The following NCOA1 variants were observed in gnomAD, a reference collection of about 807,000 sequenced individuals.
NCOA1 encodes the protein Hin-2 protein.
NCOA1 carries 35 observed loss-of-function variants against 150.9 expected under a neutral mutation model. The observed-to-expected ratio is 0.23, with a 90% CI of 0.18 to 0.31. The LOEUF is 0.31. NCOA1 is among the 10% of genes least tolerant of loss of function. The pLI is 1.00. For missense variants in NCOA1, 1,491 were observed against 1,749.3 expected (o/e 0.85, Z 2.63); for synonymous variants, 590 against 630.0 (o/e 0.94, Z 0.95).
At chr2:24,711,959 A>C (rs1256856396) in intron 14 of NCOA1, among the ~76,000 whole-genome samples, 1 of 152,248 alleles carries the variant, frequency 6.6e-6, no homozygotes, top group East Asian at 1.9e-4. Context: ...GTGGGACTTC[A>C]GTTATTTCAG....
intron 15 of NCOA1, among the ~76,000 whole-genome samples, chr2:24,727,172 G>A (rs1662721677): frequency 6.6e-6 from 1 of 151,262 alleles, no homozygotes; most frequent in Non-Finnish European, 1.5e-5. Flanking sequence ...AGGGTGGCGG[G>A]GACAAGGGAA....
chr2:24,609,673 T>C (rs1668534222), intron 3 of NCOA1, among the ~76,000 whole-genome samples: 1 of 152,126 alleles, frequency 6.6e-6, no homozygotes, highest in Non-Finnish European at 1.5e-5. Flanking sequence ...AATTATTCTC[T>C]TTATTGTGCA....
Position 24,706,599 on chromosome 2 carries a change from A to G in NCOA1, c.1129A>G (p.Thr377Ala), listed in dbSNP as rs142537192. Residue 377 changes from threonine (T) to alanine (A), a missense_variant, in exon 13 of 23, where the codon ACT becomes GCT. This residue lies in a region of NCOA1 where 703 missense variants were observed against 717.7 expected (regional missense o/e 0.98). Coordinates refer to ENST00000348332, the MANE Select transcript of NCOA1 (RefSeq NM_003743.5). ...EHSGLSPQDD[T>A]NSGMSIPRVN... ...CAGTGGGCTTTCTCCTCAAGATGAC[A>G]CTAATTCTGGAATGTCAATTCCCCG... The G allele has an allele frequency of 1.2e-6, 2 of 1,613,628 alleles. No individual in the cohort carries two copies. Among genetic ancestry groups the G allele is most frequent in the Non-Finnish European group, 1.7e-6 (2 of 1,179,726 alleles).
intron 1 of NCOA1, among the ~76,000 whole-genome samples, chr2:24,542,530 A>T (rs1381933135): frequency 6.6e-6 from 1 of 152,172 alleles, no homozygotes; most frequent in Non-Finnish European, 1.5e-5. Context: ...ATATAACAAT[A>T]ATTTTTGCTT....
At chr2:24,604,746 T>C (rs573695926) in intron 3 of NCOA1, among the ~76,000 whole-genome samples, 1 of 152,350 alleles carries the variant, frequency 6.6e-6, no homozygotes, top group Non-Finnish European at 1.5e-5. Context: ...GAGGCTGTTT[T>C]GCTATCTTAT....
intron 14 of NCOA1, among the ~76,000 whole-genome samples, chr2:24,721,260 T>C (rs922469743): frequency 5.3e-5 from 8 of 152,212 alleles, no homozygotes; most frequent in African/African-American, 1.9e-4. Context: ...TTTTAATCTG[T>C]ATGATGATAT....
intron 6 of NCOA1, among the ~76,000 whole-genome samples, chr2:24,672,217 A>G (rs1671721285): frequency 6.6e-6 from 1 of 152,166 alleles, no homozygotes; most frequent in South Asian, 2.1e-4. Context: ...CCTCAGAATA[A>G]TGGTTACTTC....
intron 1 of NCOA1, among the ~76,000 whole-genome samples, chr2:24,502,202 CA>C (rs764494516): frequency 4.6e-5 from 7 of 152,178 alleles, no homozygotes; most frequent in South Asian, 4.1e-4. Context: ...CACTTCGCTT[CA>C]AGTATCCCTG....
chr2:24,682,559 T>G (rs1184178132), intron 7 of NCOA1, among the ~76,000 whole-genome samples: 1 of 152,198 alleles, frequency 6.6e-6, no homozygotes, highest in Non-Finnish European at 1.5e-5. Context: ...TTGTACCATA[T>G]ACTCCAGCAG....
intron 1 of NCOA1, among the ~76,000 whole-genome samples, chr2:24,507,660 C>A (rs1663761625): frequency 1.3e-5 from 2 of 151,502 alleles, no homozygotes; most frequent in Admixed American, 6.6e-5. Flanking sequence ...ATTTTTTCTC[C>A]ACGTCTCGGT....
chr2:24,728,883 G>C (rs1662844610), intron 16 of NCOA1, among the ~76,000 whole-genome samples: 1 of 152,214 alleles, frequency 6.6e-6, no homozygotes, highest in Admixed American at 6.5e-5. Flanking sequence ...ATTTTTAAAT[G>C]GAGTAGAATA....
chr2:24,610,594 T>G (rs55649310), intron 3 of NCOA1, among the ~76,000 whole-genome samples: 22,587 of 151,992 alleles, frequency 0.15, 2,034 homozygotes, highest in Non-Finnish European at 0.2. Context: ...ATTTTTTATA[T>G]TCTCTCGAGC....
At chr2:24,699,970 C>T (rs1474450370) in intron 11 of NCOA1, among the ~76,000 whole-genome samples, 1 of 152,048 alleles carries the variant, frequency 6.6e-6, no homozygotes, top group Non-Finnish European at 1.5e-5. Context: ...CTTGGAGAAA[C>T]CCCATCTCCA....
At chr2:24,599,621 G>A (rs1668023909) in intron 3 of NCOA1, among the ~76,000 whole-genome samples, 1 of 151,992 alleles carries the variant, frequency 6.6e-6, no homozygotes, top group Admixed American at 6.6e-5. Context: ...TGGAGGCTTA[G>A]CTATGACTTA....
At chr2:24,597,900 G>T (rs1436119903) in intron 3 of NCOA1, among the ~76,000 whole-genome samples, 2 of 151,996 alleles carry the variant, frequency 1.3e-5, no homozygotes, top group African/African-American at 2.4e-5. Flanking sequence ...TTTACATTGG[G>T]TATATCTCCT....
At chr2:24,721,861 A>G (rs1015456175) in intron 14 of NCOA1, among the ~76,000 whole-genome samples, 2 of 152,194 alleles carry the variant, frequency 1.3e-5, no homozygotes, top group Non-Finnish European at 2.9e-5. Flanking sequence ...GAAGTTTCAC[A>G]ATCAGTTTGT....
chr2:24,491,876 C>T (rs1218758961), intron 1 of NCOA1: 6 of 151,812 alleles, frequency 4.0e-5, no homozygotes, highest in Non-Finnish European at 5.9e-5. Flanking sequence ...GCCTCTTTTC[C>T]AGTTGCCCTA....
rs567864997 is a variant in NCOA1, at chr2:24,706,508, A to G, written c.1098-60A>G. The G allele has an allele frequency of 9.4e-6, 14 of 1,487,970 alleles. No homozygotes were observed. The South Asian group carries it at 1.8e-4, about 19-fold the overall frequency. The allele number at this position is 1,487,970 out of a possible 1,614,324, so 92.2% of individuals were successfully genotyped here. A position where few individuals can be genotyped will look rare whatever the true frequency, so the allele number is the denominator to read the frequency against. ...GGTCTTGTTTTAGAATATGTATCATAAAAATATTTTAATAGAAACAAATGA... is the reference window on the plus strand; with the variant it reads ...GGTCTTGTTTTAGAATATGTATCATGAAAATATTTTAATAGAAACAAATGA... On this transcript the variant is annotated intron_variant, in intron 12 of 22. Transcript: ENST00000348332.
intron 3 of NCOA1, among the ~76,000 whole-genome samples, chr2:24,625,234 T>G (rs1558850236): frequency 6.6e-6 from 1 of 151,858 alleles, no homozygotes; most frequent in Non-Finnish European, 1.5e-5. Flanking sequence ...GATGTGGTGG[T>G]ATACACCTGT....
Sources: gnomAD v4.1 joint callset for allele counts (sites outside exome capture counted in the v4.1 genomes callset) on GRCh38, gnomAD v4.1.1 for gene constraint, gnomAD v4.1.1 regional missense constraint, MANE v1.5 for transcripts, NCBI Gene and HGNC (gene_info 2026-07-23, HGNC 2026-07-21) for gene names.